Variants in CD2AP observed in about 807,000 individuals in gnomAD.
CD2AP encodes the protein CD2 associated protein.
A neutral mutation model predicts 85.1 loss-of-function variants in CD2AP; 46 were observed. That is an observed-to-expected ratio of 0.54 (90% CI 0.43 to 0.69). The LOEUF (loss-of-function observed/expected upper bound fraction) is 0.69, where lower values mean the gene tolerates loss of function less well. CD2AP is among the 30% of genes least tolerant of loss of function. CD2AP has a pLI of 0.00. For synonymous variants in CD2AP, 255 were observed against 252.9 expected, an observed-to-expected ratio of 1.01 and a Z score of -0.08; for missense variants, 769 against 729.5, an observed-to-expected ratio of 1.05 and a Z score of -0.62.
chr6:47,556,226 C>T (rs1315810334), intron 5 of CD2AP, among the ~76,000 whole-genome samples: 2 of 149,008 alleles, frequency 1.3e-5, no homozygotes, highest in African/African-American at 5.0e-5. Flanking sequence ...TCACCCCCCT[C>T]CCCCTGATAG....
intron 17 of CD2AP, among the ~76,000 whole-genome samples, chr6:47,616,851 C>A (rs1025715481): frequency 2.0e-5 from 3 of 152,170 alleles, no homozygotes; most frequent in Admixed American, 6.5e-5. Context: ...TTCTTCAGTG[C>A]CTGCAACAGA....
chr6:47,550,662 C>G (rs1767492689), intron 4 of CD2AP, among the ~76,000 whole-genome samples: 1 of 152,160 alleles, frequency 6.6e-6, no homozygotes, highest in African/African-American at 2.4e-5. Flanking sequence ...AGAACTATCA[C>G]TTGATCCAGC....
chr6:47,571,728 T>C (rs1768158292), intron 5 of CD2AP, among the ~76,000 whole-genome samples: 1 of 152,156 alleles, frequency 6.6e-6, no homozygotes. Context: ...GAGCAATTTC[T>C]GGTATGCTTA....
intron 5 of CD2AP, among the ~76,000 whole-genome samples, chr6:47,569,336 A>G (rs961923558): frequency 1.3e-5 from 2 of 152,038 alleles, no homozygotes; most frequent in Non-Finnish European, 2.9e-5. Flanking sequence ...GATTAGTCTC[A>G]ATTTATTGGA....
intron 1 of CD2AP, among the ~76,000 whole-genome samples, chr6:47,482,395 T>C (rs1030949794): frequency 2.0e-5 from 3 of 150,956 alleles, no homozygotes; most frequent in African/African-American, 7.3e-5. Flanking sequence ...TTTTTTTTTT[T>C]TGAGATGGAG....
chr6:47,549,037 A>G (rs1767443232), intron 4 of CD2AP, among the ~76,000 whole-genome samples: 1 of 152,188 alleles, frequency 6.6e-6, no homozygotes, highest in Admixed American at 6.5e-5. Flanking sequence ...CAAAATTGGC[A>G]TATAAGGGAC....
intron 1 of CD2AP, among the ~76,000 whole-genome samples, chr6:47,499,404 T>C (rs1765947727): frequency 6.6e-6 from 1 of 152,146 alleles, no homozygotes; most frequent in South Asian, 2.1e-4. Flanking sequence ...TTGAAAACTG[T>C]TAAGTTCATG....
chr6:47,594,523 T>C (rs1340928449), intron 11 of CD2AP, among the ~76,000 whole-genome samples: 1 of 152,080 alleles, frequency 6.6e-6, no homozygotes, highest in Non-Finnish European at 1.5e-5. Context: ...CTTTAATTTA[T>C]ATCCTTTGAC....
chr6:47,607,994 C>T lies in CD2AP; in HGVS notation c.1598C>T (p.Ser533Phe). ...KEEDSANLKP[S>F]ELKKDTCYSP... Reference sequence around the variant, plus strand: ...GAAGACAGTGCCAACCTGAAGCCATCTGAATTAAAAAAAGATACATGCTAC... The same window carrying T: ...GAAGACAGTGCCAACCTGAAGCCATTTGAATTAAAAAAAGATACATGCTAC... Residue 533 changes from serine to phenylalanine, a missense_variant, in exon 15 of 18, where the codon TCT becomes TTT. Ser to Phe is a radical substitution (Grantham distance 155). Coordinates refer to ENST00000359314, the MANE Select transcript of CD2AP (RefSeq NM_012120.3). 6.2e-7 allele frequency: 1 copy of T among 1,612,808 alleles called. No individual in the cohort carries two copies. Among genetic ancestry groups the T allele is most frequent in the Non-Finnish European group, 8.5e-7 (1 of 1,179,166 alleles).
chr6:47,598,908 A>G (rs1352239082), intron 12 of CD2AP, among the ~76,000 whole-genome samples: 2 of 150,648 alleles, frequency 1.3e-5, no homozygotes, highest in African/African-American at 4.8e-5. Context: ...TTGAAATAAA[A>G]AATAATCTAA....
intron 3 of CD2AP, among the ~76,000 whole-genome samples, chr6:47,534,505 G>A (rs931803483): frequency 1.3e-5 from 2 of 151,964 alleles, no homozygotes; most frequent in Non-Finnish European, 2.9e-5. Flanking sequence ...TCAGGAGTTC[G>A]AGACCAGCCT....
At chr6:47,584,954 A>G (rs762969387) in intron 11 of CD2AP, among the ~76,000 whole-genome samples, 2 of 152,060 alleles carry the variant, frequency 1.3e-5, no homozygotes, top group Non-Finnish European at 2.9e-5. Context: ...GTTAAAATTC[A>G]GATAGTGACT....
chr6:47,529,384 A>G (rs1207414856), intron 2 of CD2AP, among the ~76,000 whole-genome samples: 1 of 152,072 alleles, frequency 6.6e-6, no homozygotes, highest in African/African-American at 2.4e-5. Flanking sequence ...GTTTCCTCCC[A>G]CATCCCCAAG....
rs547089176 is a variant in CD2AP, at chr6:47,533,495, T to G, written c.166-107T>G. ...CAAAGGTTGGAAACTATTGATATTA[T>G]GATTTATATAGTAATTACTGTAGCT... is the stretch of plus-strand genomic sequence containing the variant. On this transcript the variant is annotated intron_variant, in intron 2 of 17. Transcript: ENST00000359314. 1.4e-3 allele frequency: 1,430 copies of G among 1,045,938 alleles called. 1 individual carries two copies. The highest frequency in any genetic ancestry group is 1.9e-3 in the Non-Finnish European group (1,365 of 710,948). 64.8% of individuals were successfully genotyped at this position (1,045,938 alleles called of 1,614,324 possible).
At chr6:47,507,487 T>TG (rs36031444) in intron 2 of CD2AP, among the ~76,000 whole-genome samples, 38,129 of 152,072 alleles carry the variant, frequency 0.25, 5,503 homozygotes, top group East Asian at 0.6. Flanking sequence ...TGGAATTTAG[T>TG]GGGGCGATCT....
intron 3 of CD2AP, among the ~76,000 whole-genome samples, chr6:47,538,046 G>A (rs1490223347): frequency 2.0e-5 from 3 of 151,302 alleles, no homozygotes; most frequent in African/African-American, 7.3e-5. Flanking sequence ...CCACTGCTCC[G>A]GGCAAGAAAA....
In CD2AP at chr6:47,604,493, C is replaced by G. The variant is rs139289085; in HGVS notation, c.1418-1672C>G. Among the ~76,000 whole-genome samples the G allele has an allele frequency of 4.2e-3, 635 of 151,818 alleles. 2 individuals are homozygous for G. Among genetic ancestry groups the G allele is most frequent in the African/African-American group, 0.014 (580 of 41,458 alleles). On this transcript the variant is annotated intron_variant, in intron 13 of 17. Transcript: ENST00000359314. ...TGTCTTTTCCTGTGTTTTTCTGTTT[C>G]TTTTTCTTTCTGCAAGTTGCTTAAA... is the stretch of plus-strand genomic sequence containing the variant.
chr6:47,555,985 TGG>T (rs1448151786), intron 5 of CD2AP, among the ~76,000 whole-genome samples: 2 of 151,974 alleles, frequency 1.3e-5, no homozygotes, highest in African/African-American at 4.8e-5. Flanking sequence ...AACATAAAGT[TGG>T]TATAGCAAAT....
rs150304098 is a variant in CD2AP at position 47,580,869 on chromosome 6, A to G, written c.1014A>G (p.Pro338=). ...CACCATTATTATTTTAACAGAAACC[A>G]AAGAAACCACCACCTCCTGCTAAGG... The part of the protein sequence containing the change: ...INELDKDFPK[P]KKPPPPAKAP... The change falls in exon 10 of 18, where the codon CCA becomes CCG. Residue 338 remains proline (P), a synonymous_variant. Coordinates refer to ENST00000359314, the MANE Select transcript of CD2AP (RefSeq NM_012120.3). The G allele has an allele frequency of 9.5e-4, 1,533 of 1,607,488 alleles. 3 individuals carry two copies. The highest frequency in any genetic ancestry group is 1.2e-3 in the Non-Finnish European group (1,396 of 1,174,332).
Sources: allele counts gnomAD v4.1 joint callset (sites outside exome capture counted in the v4.1 genomes callset), GRCh38; gene constraint gnomAD v4.1.1; transcripts MANE v1.5; gene names NCBI Gene and HGNC (gene_info 2026-07-23, HGNC 2026-07-21).